DMD: variants seen among roughly 807,000 people sequenced by gnomAD.
DMD encodes dystrophin, also known as mutant dystrophin.
Under a neutral mutation model 330.1 loss-of-function variants are expected in DMD, and 63 were observed. The observed-to-expected ratio is 0.19, with a 90% CI of 0.16 to 0.24. DMD has a LOEUF of 0.24. Among genes scored for constraint, DMD ranks in the 10% least tolerant of loss-of-function variants. The pLI, the probability that DMD is intolerant of heterozygous loss-of-function variation, is 1.00. For synonymous variants in DMD, 1,223 were observed against 959.8 expected (o/e 1.27, Z -5.07); for missense variants, 3,344 against 2,684.1 (o/e 1.25, Z -5.43).
rs772027445 is a variant in DMD, at chrX:31,657,977, A to G, written c.8027+13T>C. 5 of 1,201,197 alleles carry G rather than the reference A, an allele frequency of 4.2e-6. No individual in the cohort carries two copies. The African/African-American group carries it at 7.0e-5, about 17-fold the overall frequency. The stretch of plus-strand genomic sequence containing the variant: ...ACAGCCAACAGTAGTTTTAGAAATA[A>G]TGTAATTCATACCTTTTATGAATGC... On this transcript the variant is annotated intron_variant, in intron 54 of 78. Transcript: ENST00000357033.
At chrX:32,595,122 G>A (rs1569272531) in intron 13 of DMD, among the ~76,000 whole-genome samples, 1 of 111,759 alleles carries the variant, frequency 8.9e-6, no homozygotes, top group Non-Finnish European at 1.9e-5. Flanking sequence ...AAAGGGGTAT[G>A]CAATCATGGA....
chrX:32,971,766 T>C (rs1170028699), intron 2 of DMD, among the ~76,000 whole-genome samples: 2 of 110,632 alleles, frequency 1.8e-5, no homozygotes, highest in East Asian at 2.8e-4. Flanking sequence ...GACACACACA[T>C]ATATATATAT....
chrX:32,730,918 CG>C (rs2067522544), intron 7 of DMD, among the ~76,000 whole-genome samples: 2 of 111,376 alleles, frequency 1.8e-5, no homozygotes, highest in Admixed American at 1.9e-4. Flanking sequence ...CCAAGATGGC[CG>C]AATAGGAACA....
At chrX:32,683,684 C>A (rs373809154) in intron 9 of DMD, among the ~76,000 whole-genome samples, 3 of 103,975 alleles carry the variant, frequency 2.9e-5, no homozygotes, top group East Asian at 6.4e-4. Context: ...AGGAGATATA[C>A]CTAATGTTAA....
chrX:32,030,574 G>T (rs962366139), intron 44 of DMD, among the ~76,000 whole-genome samples: 11 of 111,888 alleles, frequency 9.8e-5, no homozygotes, highest in Non-Finnish European at 1.3e-4. Flanking sequence ...CAAGTAATGG[G>T]GGATGATGTA....
chrX:32,498,911 C>G (rs1018116933), intron 19 of DMD, among the ~76,000 whole-genome samples: 6 of 111,205 alleles, frequency 5.4e-5, no homozygotes, highest in African/African-American at 2.0e-4. Flanking sequence ...ACCTTAACAC[C>G]CTATCCTGTC....
At chrX:31,889,639 T>TCA (rs1315352530) in intron 47 of DMD, among the ~76,000 whole-genome samples, 5 of 74,390 alleles carry the variant, frequency 6.7e-5, no homozygotes, top group African/African-American at 2.8e-4. Flanking sequence ...TCTCTCTCTC[T>TCA]CTCTCTCTCA....
chrX:31,357,423 G>A (rs1336025592), intron 60 of DMD, among the ~76,000 whole-genome samples: 5 of 108,042 alleles, frequency 4.6e-5, no homozygotes, highest in African/African-American at 1.7e-4. Flanking sequence ...TCATATTAAC[G>A]AATGACTGAA....
chrX:33,127,996 G>T, intron 1 of DMD: 2 of 1,090,016 alleles, frequency 1.8e-6, no homozygotes, highest in Non-Finnish European at 2.4e-6. Flanking sequence ...AACTTTTATA[G>T]AAAGGCATAT....
intron 36 of DMD, 98 bp downstream of exon 36, chrX:32,364,484 T>C: frequency 2.0e-6 from 2 of 979,716 alleles, no homozygotes; most frequent in Non-Finnish European, 2.9e-6. Flanking sequence ...AAGGATTGTT[T>C]TACTCTTATT....
At chrX:32,593,861 C>G (rs984331737) in intron 13 of DMD, among the ~76,000 whole-genome samples, 2 of 112,474 alleles carry the variant, frequency 1.8e-5, no homozygotes, top group Non-Finnish European at 3.8e-5. Flanking sequence ...AGACTCTCTA[C>G]GCACTGACAT....
At chrX:31,465,594 C>A (rs2066804183) in intron 59 of DMD, among the ~76,000 whole-genome samples, 1 of 111,769 alleles carries the variant, frequency 8.9e-6, no homozygotes, top group African/African-American at 3.3e-5. Context: ...TTTTCTTTAT[C>A]CAGTCTATCA....
rs780803287 is a variant in DMD, at chrX:31,719,513, TATC to T, written c.7660+10115_7660+10117del. Among the ~76,000 whole-genome samples the T allele has an allele frequency of 5.4e-5, 6 of 111,798 alleles. No homozygotes were observed. The South Asian group carries it at 2.2e-3, about 42-fold the overall frequency. ...CCAGGCTGAGTGGACCTGAGATAAT[TATC>T]ATCATGTCCCGGAGCTATAAAGTTT... is the stretch of plus-strand genomic sequence containing the variant. On this transcript the variant is annotated intron_variant, in intron 52 of 78. Coordinates refer to ENST00000357033, the MANE Select transcript of DMD (RefSeq NM_004006.3).
At chrX:31,641,697 C>CTAA (rs1311443943) in intron 54 of DMD, among the ~76,000 whole-genome samples, 1 of 111,099 alleles carries the variant, frequency 9.0e-6, no homozygotes, top group African/African-American at 3.3e-5. Flanking sequence ...ATATCCTTAA[C>CTAA]TAATGGATAT....
intron 1 of DMD, among the ~76,000 whole-genome samples, chrX:33,194,471 T>A (rs2148806354): frequency 9.0e-6 from 1 of 110,908 alleles, no homozygotes; most frequent in South Asian, 3.9e-4. Flanking sequence ...ACACTTTCAT[T>A]AAGAAAAAAT....
chrX:31,763,360 G>A (rs1438236115), intron 51 of DMD, among the ~76,000 whole-genome samples: 2 of 111,910 alleles, frequency 1.8e-5, no homozygotes, highest in African/African-American at 6.5e-5. Flanking sequence ...TCAGGTATTT[G>A]AGACCAGCCT....
At chrX:32,601,337 T>G (rs988400785) in intron 12 of DMD, among the ~76,000 whole-genome samples, 2 of 111,840 alleles carry the variant, frequency 1.8e-5, no homozygotes, top group African/African-American at 6.5e-5. Flanking sequence ...TAAATGTGAT[T>G]GAATATCTTT....
intron 50 of DMD, among the ~76,000 whole-genome samples, chrX:31,818,927 G>A (rs2092694966): frequency 9.1e-6 from 1 of 110,146 alleles, no homozygotes; most frequent in Admixed American, 9.7e-5. Context: ...GATTCTTCCA[G>A]TTCAGTATTT....
intron 7 of DMD, among the ~76,000 whole-genome samples, chrX:32,738,852 G>A (rs918300825): frequency 9.0e-6 from 1 of 111,723 alleles, no homozygotes; most frequent in African/African-American, 3.2e-5. Context: ...TTCAAAAGGA[G>A]AGGTGTGAAA....
Sources: gnomAD v4.1 joint callset for allele counts (sites outside exome capture counted in the v4.1 genomes callset) on GRCh38, gnomAD v4.1.1 for gene constraint, MANE v1.5 for transcripts, NCBI Gene and HGNC (gene_info 2026-07-23, HGNC 2026-07-21) for gene names.